ABCB4: variants seen among roughly 807,000 people sequenced by gnomAD.
The protein encoded by ABCB4 is phosphatidylcholine translocator ABCB4.
A neutral mutation model predicts 145.7 loss-of-function variants in ABCB4; 76 were observed. The observed-to-expected ratio is 0.52, with a 90% CI of 0.43 to 0.63. The LOEUF (loss-of-function observed/expected upper bound fraction) is 0.63. Among genes scored for constraint, ABCB4 ranks in the 30% least tolerant of loss-of-function variants. ABCB4 has a pLI of 0.00. For missense variants in ABCB4, 1,234 were observed against 1,553.1 expected (o/e 0.79, Z 3.45); for synonymous variants, 517 against 566.8 (o/e 0.91, Z 1.25).
intron 3 of ABCB4, among the ~76,000 whole-genome samples, chr7:87,465,224 T>G (rs923267598): frequency 6.6e-6 from 1 of 152,148 alleles, no homozygotes; most frequent in Non-Finnish European, 1.5e-5. Context: ...CATCAGGAGA[T>G]TACATCCCAC....
chr7:87,367,377 T>C, the ABCB4 span, among the ~76,000 whole-genome samples: 1 of 152,178 alleles, frequency 6.6e-6, no homozygotes, highest in East Asian at 1.9e-4. Flanking sequence ...CCAATTTTCT[T>C]CTAGAGCCTC....
chr7:87,437,405 T>C (rs1249955917), intron 14 of ABCB4, among the ~76,000 whole-genome samples: 1 of 152,178 alleles, frequency 6.6e-6, no homozygotes, highest in Non-Finnish European at 1.5e-5. Flanking sequence ...AATGCAGCCA[T>C]GTGCTCAGGT....
At chr7:87,375,929 T>C in the ABCB4 span, 12 of 1,611,878 alleles carry the variant, frequency 7.4e-6, no homozygotes, top group Middle Eastern at 9.9e-4. Context: ...GCAGTCCACA[T>C]GTAACACCAG....
At chr7:87,415,498 A>G in intron 21 of ABCB4, among the ~76,000 whole-genome samples, 1 of 151,900 alleles carries the variant, frequency 6.6e-6, no homozygotes, top group South Asian at 2.1e-4. Context: ...TTTCATATTT[A>G]ATCTTTCATA....
the ABCB4 span, among the ~76,000 whole-genome samples, chr7:87,376,503 T>G: frequency 6.6e-6 from 1 of 152,072 alleles, no homozygotes; most frequent in African/African-American, 2.4e-5. Context: ...CAGGAAATAA[T>G]AAAAGATAGT....
intron 14 of ABCB4, among the ~76,000 whole-genome samples, chr7:87,432,070 A>G (rs1380537925): frequency 6.6e-6 from 1 of 152,180 alleles, no homozygotes; most frequent in African/African-American, 2.4e-5. Flanking sequence ...CAGGACTATT[A>G]AAATTATGGT....
chr7:87,394,855 G>C, the ABCB4 span, among the ~76,000 whole-genome samples: 1 of 152,108 alleles, frequency 6.6e-6, no homozygotes, highest in African/African-American at 2.4e-5. Flanking sequence ...AAGAGGTTTG[G>C]CTTTAAAAAT....
At chr7:87,426,539 A>AT (rs5885585) in intron 16 of ABCB4, among the ~76,000 whole-genome samples, 4 of 151,822 alleles carry the variant, frequency 2.6e-5, no homozygotes, top group Admixed American at 6.6e-5. Flanking sequence ...ACATTTCTGG[A>AT]TTTTTTTTCC....
At chr7:87,383,322 A>C in the ABCB4 span, among the ~76,000 whole-genome samples, 1 of 152,034 alleles carries the variant, frequency 6.6e-6, no homozygotes, top group Non-Finnish European at 1.5e-5. Flanking sequence ...CCACGAGATC[A>C]ATTTTTTTTA....
In ABCB4 at chr7:87,409,546, C is replaced by A. The variant is rs31657; in HGVS notation, c.2925-154G>T. On this transcript the variant is annotated intron_variant, in intron 23 of 27. Transcript: ENST00000649586. ...ATACATTTTCATAAAATTCTAGTAA[C>A]AAGAGAAATCTAGGAGAGGGGCAAG... 0.021 allele frequency among the ~76,000 whole-genome samples: 3,169 copies of A among 152,230 alleles called. 111 individuals carry two copies. The highest frequency in any genetic ancestry group is 0.071 in the African/African-American group (2,940 of 41,516).
the ABCB4 span, chr7:87,382,482 C>A: frequency 5.1e-5 from 82 of 1,613,838 alleles, no homozygotes; most frequent in Non-Finnish European, 6.4e-5. Flanking sequence ...GAACAAGATG[C>A]TTCACCCGGA....
chr7:87,439,625 G>A (rs1562975306), intron 14 of ABCB4, 42 bp downstream of exon 14: 2 of 1,611,134 alleles, frequency 1.2e-6, no homozygotes, highest in Admixed American at 3.3e-5. Flanking sequence ...TCTTCAATAG[G>A]TTTCAATGTG....
chr7:87,408,056 T>A lies in ABCB4; in HGVS notation c.3260A>T (p.Asp1087Val), dbSNP rs1318215242. 3 of 1,613,804 alleles carry A rather than the reference T, an allele frequency of 1.9e-6. No individual in the cohort carries two copies. The highest frequency in any genetic ancestry group is 2.5e-6 in the Non-Finnish European group (3 of 1,180,010). ...GCTCACCACTGTCCCCGCCAAGGGG[T>A]CGTAGAACCGCTCCAGGAGCTGGAC... is the stretch of plus-strand genomic sequence containing the variant. ...TVVQLLERFY[D>V]PLAGTVLLDG... The change falls in exon 25 of 28, where the codon GAC becomes GTC. Residue 1087 changes from aspartate to valine, a missense_variant. Transcript: ENST00000649586.
the ABCB4 span, among the ~76,000 whole-genome samples, chr7:87,389,600 C>T: frequency 6.6e-6 from 1 of 151,098 alleles, no homozygotes; most frequent in Non-Finnish European, 1.5e-5. Context: ...AGGAAGGGAA[C>T]ATCACACACC....
At chr7:87,403,674 G>A (rs2116315873) in intron 26 of ABCB4, among the ~76,000 whole-genome samples, 1 of 152,300 alleles carries the variant, frequency 6.6e-6, no homozygotes, top group Admixed American at 6.5e-5. Flanking sequence ...TGAATTTTGT[G>A]TTGCACTATG....
chr7:87,441,768 T>TA (rs1257614376), intron 12 of ABCB4, among the ~76,000 whole-genome samples: 1 of 152,124 alleles, frequency 6.6e-6, no homozygotes, highest in Non-Finnish European at 1.5e-5. Flanking sequence ...CTGGCTATTT[T>TA]AAAAAATATT....
intron 15 of ABCB4, among the ~76,000 whole-genome samples, chr7:87,429,524 G>A (rs922623855): frequency 6.6e-6 from 1 of 152,182 alleles, no homozygotes; most frequent in Non-Finnish European, 1.5e-5. Context: ...TCCAAGTCCT[G>A]ATGGAAGCAG....
At chr7:87,423,298 T>C (rs1260566679) in intron 17 of ABCB4, among the ~76,000 whole-genome samples, 1 of 152,240 alleles carries the variant, frequency 6.6e-6, no homozygotes, top group African/African-American at 2.4e-5. Flanking sequence ...TAGTATGTTT[T>C]CTTTCTTAGT....
chr7:87,382,597 T>C, the ABCB4 span: 4,074 of 1,534,202 alleles, frequency 2.7e-3, 74 homozygotes, highest in African/African-American at 0.042. Context: ...GGGTATATCT[T>C]TTTTTATAGC....
Sources: gnomAD v4.1 joint callset for allele counts (sites outside exome capture counted in the v4.1 genomes callset) on GRCh38, gnomAD v4.1.1 for gene constraint, MANE v1.5 for transcripts, NCBI Gene and HGNC (gene_info 2026-07-23, HGNC 2026-07-21) for gene names.